The following GNB1L variants were observed in gnomAD, a reference collection of about 807,000 sequenced individuals.
GNB1L encodes G protein subunit beta 1 like, also known as guanine nucleotide-binding protein subunit beta-like protein 1.
In GNB1L, 20 loss-of-function variants were observed where a neutral mutation model predicts 29.1. The ratio of observed to expected loss-of-function variants is 0.69; its 90% CI spans 0.48 to 1.00. The LOEUF (loss-of-function observed/expected upper bound fraction) is 1.00. Ranked by LOEUF, GNB1L falls within the 50% of genes least tolerant of loss-of-function variation. GNB1L has a pLI of 0.00. For missense variants in GNB1L, 421 were observed against 464.9 expected (o/e 0.91, Z 0.87); for synonymous variants, 193 against 206.5 (o/e 0.93, Z 0.56).
At chr22:19,791,441 G>C (rs1209625813) in intron 7 of GNB1L, among the ~76,000 whole-genome samples, 1 of 152,258 alleles carries the variant, frequency 6.6e-6, no homozygotes, top group East Asian at 1.9e-4. Context: ...AGCTGATGAG[G>C]TGGGCCTCCC....
At chr22:19,819,141 G>A (rs1298387935) in intron 4 of GNB1L, among the ~76,000 whole-genome samples, 2 of 152,210 alleles carry the variant, frequency 1.3e-5, no homozygotes, top group East Asian at 1.9e-4. Context: ...CAGCCCCACT[G>A]TCCTTCACCA....
intron 2 of GNB1L, among the ~76,000 whole-genome samples, chr22:19,827,046 A>G (rs1334073693): frequency 2.6e-5 from 4 of 152,076 alleles, no homozygotes; most frequent in Non-Finnish European, 5.9e-5. Context: ...TGGCTCTTAG[A>G]TCAGATCCTG....
In GNB1L at chr22:19,783,297, C is replaced by T. The variant is rs1303112514; in HGVS notation, c.*5412G>A. 20 of 444,420 alleles carry T rather than the reference C, an allele frequency of 4.5e-5. No individual in the cohort carries two copies. The highest frequency in any genetic ancestry group is 3.7e-4 in the South Asian group (18 of 48,290). 27.5% of individuals were successfully genotyped at this position (444,420 alleles called of 1,614,324 possible). A position where few individuals can be genotyped will look rare whatever the true frequency, so the allele number is the denominator to read the frequency against. On this transcript the variant is annotated 3_prime_UTR_variant, in exon 8 of 8. Coordinates refer to ENST00000329517, the MANE Select transcript of GNB1L (RefSeq NM_053004.3). ...GAGGCCAAATGACTCGATTTCTCTA[C>T]ACCCCACATTTTACAGGTTTCAGAG...
In GNB1L at chr22:19,788,212, G is replaced by T; in HGVS notation, c.*497C>A. The T allele has an allele frequency of 3.8e-6, 1 of 263,958 alleles. No homozygotes were observed. The highest frequency in any genetic ancestry group is 7.2e-6 in the Non-Finnish European group (1 of 138,754). 16.4% of individuals were successfully genotyped at this position (263,958 alleles called of 1,614,324 possible). On this transcript the variant is annotated 3_prime_UTR_variant, in exon 8 of 8. Coordinates refer to ENST00000329517, the MANE Select transcript of GNB1L (RefSeq NM_053004.3). ...GGAGCTCCTGGCCTCCTCGGGGTGA[G>T]GGGTCATGTGGACATCGACGCAGCT...
chr22:19,801,262 C>G (rs1417516154), intron 7 of GNB1L, among the ~76,000 whole-genome samples: 1 of 152,194 alleles, frequency 6.6e-6, no homozygotes, highest in Admixed American at 6.5e-5. Flanking sequence ...TTGTCCACCC[C>G]CCAGAAGCCA....
rs569989664 is a variant in GNB1L, at chr22:19,787,245, G to C, written c.*1464C>G. On this transcript the variant is annotated 3_prime_UTR_variant, in exon 8 of 8. Coordinates refer to ENST00000329517, the MANE Select transcript of GNB1L (RefSeq NM_053004.3). ...TCCCCAGGCCTTGGAAGCCCTCCTC[G>C]GCTGTACCCCACGGCGGCTGGCCAT... 1 of 152,590 alleles carries C rather than the reference G, an allele frequency of 6.6e-6. No homozygotes were observed. Among genetic ancestry groups the C allele is most frequent in the African/African-American group, 2.4e-5 (1 of 41,438 alleles). The allele number at this position is 152,590 out of a possible 1,614,324, so 9.5% of individuals were successfully genotyped here.
Position 19,788,650 on chromosome 22 carries a change from G to A in GNB1L, c.*59C>T. On this transcript the variant is annotated 3_prime_UTR_variant, in exon 8 of 8. Transcript: ENST00000329517. ...CCCTTGAGGTTTCAGGCCAAGGCTG[G>A]GGCCTGATGCCCACCTCCCTGCCCG... 6.2e-7 allele frequency: 1 copy of A among 1,607,244 alleles called. No homozygotes were observed. The highest frequency in any genetic ancestry group is 8.5e-7 in the Non-Finnish European group (1 of 1,174,818).
chr22:19,847,757 T>G (rs1226281667), intron 2 of GNB1L: 1 of 923,868 alleles, frequency 1.1e-6, no homozygotes, highest in Non-Finnish European at 1.3e-6. Context: ...TCTCCATACC[T>G]CCACAACTCT....
At chr22:19,841,453 C>G (rs1247335403) in intron 2 of GNB1L, among the ~76,000 whole-genome samples, 1 of 152,060 alleles carries the variant, frequency 6.6e-6, no homozygotes, top group Non-Finnish European at 1.5e-5. Context: ...CATAGCAAGA[C>G]CCCCATCTCT....
rs2036175349 is a variant in GNB1L at position 19,802,219 on chromosome 22, GC to G, written c.517-4del. 1 of 1,611,344 alleles carries G rather than the reference GC, an allele frequency of 6.2e-7. No homozygotes were observed. The highest frequency in any genetic ancestry group is 1.3e-5 in the African/African-American group (1 of 74,928). On this transcript the variant is annotated splice_polypyrimidine_tract_variant and splice_region_variant and intron_variant, in intron 6 of 7. Coordinates refer to ENST00000329517, the MANE Select transcript of GNB1L (RefSeq NM_053004.3). ...AGTGGGCGGGAGCTGCAGTCGGCCT[GC>G]GGGGAACAGCAGAGCAGTCAGCTCC...
chr22:19,826,309 C>T (rs915205049), intron 2 of GNB1L, among the ~76,000 whole-genome samples: 1 of 152,218 alleles, frequency 6.6e-6, no homozygotes, highest in Non-Finnish European at 1.5e-5. Flanking sequence ...GAGAGATCCC[C>T]CACACTTCAG....
At position 19,788,283 on chromosome 22, in the gene GNB1L, C is replaced by T. The variant is rs1937209486; in HGVS notation, c.*426G>A. 2.1e-6 allele frequency: 1 copy of T among 470,768 alleles called. No individual in the cohort carries two copies. Among genetic ancestry groups the T allele is most frequent in the Admixed American group, 3.9e-5 (1 of 25,956 alleles). 29.2% of individuals were successfully genotyped at this position (470,768 alleles called of 1,614,324 possible). ...CCTGAGGCCTGGCCCAGGAAACCCA[C>T]ACTCGGGGTGGCCCATTCAACAGCA... On this transcript the variant is annotated 3_prime_UTR_variant, in exon 8 of 8. Coordinates refer to ENST00000329517, the MANE Select transcript of GNB1L (RefSeq NM_053004.3).
intron 2 of GNB1L, chr22:19,850,805 C>T: frequency 7.7e-7 from 1 of 1,293,156 alleles, no homozygotes; most frequent in Non-Finnish European, 9.8e-7. Flanking sequence ...TGGAAGACAC[C>T]AAGGGGGGTG....
chr22:19,846,529 A>C, intron 2 of GNB1L: 1 of 985,522 alleles, frequency 1.0e-6, no homozygotes, highest in Non-Finnish European at 1.2e-6. Context: ...TAGCGCTGCC[A>C]GGAACAGCAA....
intron 2 of GNB1L, chr22:19,850,394 T>A: frequency 1.0e-6 from 1 of 989,202 alleles, no homozygotes; most frequent in Non-Finnish European, 1.2e-6. Flanking sequence ...TGCATGCGAG[T>A]GCGGAGTGAG....
rs1170531713 is a variant in GNB1L, at chr22:19,816,886, C to T, written c.254+3712G>A. ...TCCCAGGCTGCCGCTGCCACACCAC[C>T]CCCCCAACCCTGCTTCTTTGACTGC... On this transcript the variant is annotated intron_variant, in intron 4 of 7. Coordinates refer to ENST00000329517, the MANE Select transcript of GNB1L (RefSeq NM_053004.3). This position sits in a 1 kb window ranked among gnomAD's most constrained non-coding sequence, Gnocchi z 4.4. Among the ~76,000 whole-genome samples, 2 of 152,144 alleles carry T rather than the reference C, an allele frequency of 1.3e-5. No individual in the cohort carries two copies. The highest frequency in any genetic ancestry group is 2.9e-5 in the Non-Finnish European group (2 of 68,020).
chr22:19,811,680 G>A (rs1454960079), intron 5 of GNB1L, among the ~76,000 whole-genome samples: 1 of 152,054 alleles, frequency 6.6e-6, no homozygotes, highest in Non-Finnish European at 1.5e-5. Context: ...TGGCCTCCCT[G>A]CTTGGTGATC....
intron 2 of GNB1L, among the ~76,000 whole-genome samples, chr22:19,829,524 T>C (rs1937651311): frequency 6.6e-6 from 1 of 152,188 alleles, no homozygotes; most frequent in African/African-American, 2.4e-5. Flanking sequence ...TACCAATTTA[T>C]GAGATATATT....
intron 2 of GNB1L, among the ~76,000 whole-genome samples, chr22:19,840,077 G>C (rs138582532): frequency 0.015 from 2,171 of 146,934 alleles, 30 homozygotes; most frequent in Admixed American, 0.024. Context: ...AAAAAAAAAA[G>C]TATACTATGA....
Sources: gnomAD v4.1 joint callset for allele counts (sites outside exome capture counted in the v4.1 genomes callset) on GRCh38, gnomAD v4.1.1 for gene constraint, Gnocchi (gnomAD v3.1) non-coding constraint, MANE v1.5 for transcripts, NCBI Gene and HGNC (gene_info 2026-07-23, HGNC 2026-07-21) for gene names.